Variants in MECOM observed in about 807,000 individuals in gnomAD.
The protein encoded by MECOM is MDS1 and EVI1 complex locus, also known as histone-lysine N-methyltransferase MECOM.
Under a neutral mutation model 116.3 loss-of-function variants are expected in MECOM, and 13 were observed. The observed-to-expected ratio is 0.11, with a 90% CI of 0.07 to 0.18. The LOEUF (loss-of-function observed/expected upper bound fraction) is 0.18. Among genes scored for constraint, MECOM ranks in the 10% least tolerant of loss-of-function variants. The pLI, the probability that MECOM is intolerant of heterozygous loss-of-function variation, is 1.00. For synonymous variants in MECOM, 528 were observed against 535.2 expected, an observed-to-expected ratio of 0.99 and a Z score of 0.19; for missense variants, 1,299 against 1,509.0, an observed-to-expected ratio of 0.86 and a Z score of 2.31.
chr3:169,584,115 C>A (rs1460452514), intron 1 of MECOM, among the ~76,000 whole-genome samples: 1 of 152,010 alleles, frequency 6.6e-6, no homozygotes, highest in Admixed American at 6.5e-5. Flanking sequence ...GCTCCTCAGT[C>A]CATAAGCAAG....
chr3:169,258,595 G>A (rs1226034751), intron 2 of MECOM, among the ~76,000 whole-genome samples: 1 of 152,138 alleles, frequency 6.6e-6, no homozygotes, highest in East Asian at 1.9e-4. Context: ...CTGTGCTTCT[G>A]AGGTGTCATT....
At chr3:169,422,994 T>A (rs1368025951) in intron 1 of MECOM, among the ~76,000 whole-genome samples, 3 of 151,904 alleles carry the variant, frequency 2.0e-5, no homozygotes, top group Admixed American at 6.6e-5. Flanking sequence ...GCAGAAAAAA[T>A]AACTAAATTG....
At chr3:169,241,633 G>A (rs940747528) in intron 2 of MECOM, among the ~76,000 whole-genome samples, 1 of 152,124 alleles carries the variant, frequency 6.6e-6, no homozygotes, top group Non-Finnish European at 1.5e-5. Flanking sequence ...TACTTTTGGG[G>A]AAAGTGTACT....
intron 1 of MECOM, among the ~76,000 whole-genome samples, chr3:169,579,141 G>A (rs966133351): frequency 9.2e-5 from 14 of 152,086 alleles, no homozygotes; most frequent in African/African-American, 3.1e-4. Flanking sequence ...CAAGTCTTTC[G>A]AGAGTCTGCA....
rs1296227458 is a variant in MECOM at position 169,448,025 on chromosome 3, G to C, written c.38-66501C>G. 3 of 152,228 alleles carry C rather than the reference G, an allele frequency of 2.0e-5. No individual in the cohort carries two copies. In the East Asian group the frequency reaches 5.8e-4, roughly 29 times the overall value. 9.4% of individuals were successfully genotyped at this position (152,228 alleles called of 1,614,324 possible). ...CATGGTGTGATCAGATCTGTAGTTT[G>C]GAAATTCAACTGGAAACTGCTATGG... On this transcript the variant is annotated intron_variant, in intron 1 of 16. Coordinates refer to ENST00000651503, the MANE Select transcript of MECOM (RefSeq NM_004991.4).
At chr3:169,180,347 GAC>G (rs1359474104) in intron 2 of MECOM, among the ~76,000 whole-genome samples, 1 of 151,928 alleles carries the variant, frequency 6.6e-6, no homozygotes, top group Admixed American at 6.6e-5. Flanking sequence ...TATATATATA[GAC>G]ACACACAAAT....
At chr3:169,598,099 C>A (rs1767353524) in intron 1 of MECOM, among the ~76,000 whole-genome samples, 1 of 152,118 alleles carries the variant, frequency 6.6e-6, no homozygotes, top group African/African-American at 2.4e-5. Context: ...AATAGAGCTG[C>A]CTCATAAGTT....
chr3:169,633,902 C>CAAA (rs3045472), intron 1 of MECOM, among the ~76,000 whole-genome samples: 1 of 137,140 alleles, frequency 7.3e-6, no homozygotes, highest in Non-Finnish European at 1.6e-5. Context: ...GTGACCCTGG[C>CAAA]AAAAAAAAAA....
At position 169,083,987 on chromosome 3, in the gene MECOM, C is replaced by G. The variant is rs891731110; in HGVS notation, c.*922G>C. The G allele has an allele frequency of 4.3e-6, 1 of 230,214 alleles. No homozygotes were observed. The allele number at this position is 230,214 out of a possible 1,614,324, so 14.3% of individuals were successfully genotyped here. A position where few individuals can be genotyped will look rare whatever the true frequency, so the allele number is the denominator to read the frequency against. The stretch of plus-strand genomic sequence containing the variant: ...AAGAAAAGCCAAACACCATTTGGCA[C>G]TCTCATACACAGGTCGGGTCACCTT... On this transcript the variant is annotated 3_prime_UTR_variant, in exon 17 of 17. Coordinates refer to ENST00000651503, the MANE Select transcript of MECOM (RefSeq NM_004991.4).
intron 2 of MECOM, among the ~76,000 whole-genome samples, chr3:169,333,019 T>C (rs1723006795): frequency 1.3e-5 from 2 of 152,112 alleles, no homozygotes; most frequent in South Asian, 4.2e-4. Context: ...TCTAGAAAAA[T>C]ATGATATTCT....
intron 1 of MECOM, among the ~76,000 whole-genome samples, chr3:169,441,744 TAAAAAAGG>T (rs1743740090): frequency 7.0e-6 from 1 of 142,022 alleles, no homozygotes; most frequent in Non-Finnish European, 1.6e-5. Context: ...TTTTTTTTTT[TAAAAAAGG>T]GGGGGTCTTG....
chr3:169,438,022 T>G (rs1742967178), intron 1 of MECOM, among the ~76,000 whole-genome samples: 1 of 152,210 alleles, frequency 6.6e-6, no homozygotes, highest in African/African-American at 2.4e-5. Flanking sequence ...CATTTAATCC[T>G]CATAATAGCC....
At chr3:169,606,285 T>C (rs1438406930) in intron 1 of MECOM, among the ~76,000 whole-genome samples, 1 of 151,772 alleles carries the variant, frequency 6.6e-6, no homozygotes, top group African/African-American at 2.4e-5. Flanking sequence ...TGGTGGTGCA[T>C]GCTTGTAATC....
At chr3:169,135,640 C>G (rs1329344879) in intron 3 of MECOM, among the ~76,000 whole-genome samples, 1 of 151,930 alleles carries the variant, frequency 6.6e-6, no homozygotes, top group Non-Finnish European at 1.5e-5. Flanking sequence ...TAACCTAACT[C>G]CCATACATCT....
intron 1 of MECOM, among the ~76,000 whole-genome samples, chr3:169,466,491 G>T (rs745634719): frequency 6.6e-6 from 1 of 152,174 alleles, no homozygotes; most frequent in Non-Finnish European, 1.5e-5. Context: ...GATCTAAAAA[G>T]TTGACAGAGG....
chr3:169,140,540 T>C (rs964609950), intron 3 of MECOM, among the ~76,000 whole-genome samples: 2 of 152,078 alleles, frequency 1.3e-5, no homozygotes, highest in South Asian at 2.1e-4. Context: ...GTGATGTCAA[T>C]GTTTTCAGAA....
intron 2 of MECOM, among the ~76,000 whole-genome samples, chr3:169,267,823 A>G (rs963375565): frequency 8.5e-5 from 13 of 152,154 alleles, no homozygotes; most frequent in Admixed American, 8.5e-4. Flanking sequence ...GAACTAGAGA[A>G]ACACGAATAA....
chr3:169,372,103 A>G (rs758574021), intron 2 of MECOM, among the ~76,000 whole-genome samples: 1 of 152,030 alleles, frequency 6.6e-6, no homozygotes, highest in Non-Finnish European at 1.5e-5. Context: ...CTTTCCACCT[A>G]TTTAACACAG....
At chr3:169,651,417 A>G (rs755415748) in intron 1 of MECOM, among the ~76,000 whole-genome samples, 5 of 152,190 alleles carry the variant, frequency 3.3e-5, no homozygotes, top group Non-Finnish European at 5.9e-5. Flanking sequence ...GTTAGCTACT[A>G]TGTTGTTAAG....
Sources: gnomAD v4.1 joint callset for allele counts (sites outside exome capture counted in the v4.1 genomes callset) on GRCh38, gnomAD v4.1.1 for gene constraint, MANE v1.5 for transcripts, NCBI Gene and HGNC (gene_info 2026-07-23, HGNC 2026-07-21) for gene names.